Variants in TACC1 observed in about 807,000 individuals in gnomAD.
TACC1 encodes the protein transforming acidic coiled-coil-containing protein 1.
A neutral mutation model predicts 84.4 loss-of-function variants in TACC1; 48 were observed. The ratio of observed to expected loss-of-function variants is 0.57; its 90% CI spans 0.45 to 0.72. The LOEUF (loss-of-function observed/expected upper bound fraction) is 0.72. Ranked by LOEUF, TACC1 falls within the 30% of genes least tolerant of loss-of-function variation. TACC1 has a pLI of 0.00. For synonymous variants in TACC1, 372 were observed against 376.3 expected, an observed-to-expected ratio of 0.99 and a Z score of 0.13; for missense variants, 920 against 973.0, an observed-to-expected ratio of 0.95 and a Z score of 0.72.
At chr8:38,764,689 G>A (rs755727122) in intron 3 of TACC1, among the ~76,000 whole-genome samples, 25 of 152,234 alleles carry the variant, frequency 1.6e-4, no homozygotes, top group Non-Finnish European at 2.2e-4. Flanking sequence ...GGTCTTGGCC[G>A]TGCGCAGTGG....
upstream of TACC1, among the ~76,000 whole-genome samples, chr8:38,783,109 T>TCTATCTAC (rs1816447095): frequency 1.3e-5 from 1 of 77,762 alleles, no homozygotes; most frequent in Non-Finnish European, 2.5e-5. Flanking sequence ...TATCTATCTA[T>TCTATCTAC]ATATATATAT....
At chr8:38,739,740 T>C (rs1806710487) in intron 1 of TACC1, among the ~76,000 whole-genome samples, 1 of 152,242 alleles carries the variant, frequency 6.6e-6, no homozygotes. Flanking sequence ...TAAAACAGTT[T>C]CACACCCTAA....
At chr8:38,734,383 G>A (rs1805550458) in intron 1 of TACC1, among the ~76,000 whole-genome samples, 1 of 152,100 alleles carries the variant, frequency 6.6e-6, no homozygotes, top group South Asian at 2.1e-4. Context: ...GTAGAGACGG[G>A]GTTTCACCAT....
intron 2 of TACC1, among the ~76,000 whole-genome samples, chr8:38,812,117 C>T (rs775464635): frequency 6.6e-6 from 1 of 152,172 alleles, no homozygotes; most frequent in Non-Finnish European, 1.5e-5. Context: ...CAGACCGGTT[C>T]TCTGCTCTCG....
chr8:38,795,506 A>G (rs970118599), intron 2 of TACC1, among the ~76,000 whole-genome samples: 1 of 152,226 alleles, frequency 6.6e-6, no homozygotes, highest in African/African-American at 2.4e-5. Flanking sequence ...GCTGCCATGT[A>G]ATGTCCCACC....
At chr8:38,830,423 C>A (rs112301765) in intron 5 of TACC1, among the ~76,000 whole-genome samples, 2 of 152,100 alleles carry the variant, frequency 1.3e-5, no homozygotes, top group Admixed American at 6.5e-5. Context: ...TATAGGCATG[C>A]GCCACCACGC....
chr8:38,745,234 CTCAGAG>C (rs1473713873), exon 3 of TACC1: 8 of 429,426 alleles, frequency 1.9e-5, no homozygotes, highest in Non-Finnish European at 3.3e-5. Context: ...AAGATCTGCA[CTCAGAG>C]TAGAGCTGCC....
chr8:38,780,263 A>G (rs1473346405), intron 3 of TACC1, among the ~76,000 whole-genome samples: 1 of 147,658 alleles, frequency 6.8e-6, no homozygotes, highest in Non-Finnish European at 1.5e-5. Context: ...CTCTGAGGTA[A>G]GGGTTTAACT....
intron 5 of TACC1, among the ~76,000 whole-genome samples, chr8:38,828,598 A>G (rs77791823): frequency 6.6e-6 from 1 of 152,266 alleles, no homozygotes; most frequent in East Asian, 1.9e-4. Context: ...GTCTTTCAGG[A>G]TAAGGACATT....
upstream of TACC1, among the ~76,000 whole-genome samples, chr8:38,786,918 A>C (rs1484449976): frequency 2.0e-5 from 3 of 152,250 alleles, no homozygotes; most frequent in East Asian, 1.9e-4. Flanking sequence ...ATGTTTAAAA[A>C]AATTTTAAAA....
chr8:38,820,086 A>T lies in TACC1; in HGVS notation c.842A>T (p.Asp281Val). 1 of 1,614,136 alleles carries T rather than the reference A, an allele frequency of 6.2e-7. No homozygotes were observed. Among genetic ancestry groups the T allele is most frequent in the Non-Finnish European group, 8.5e-7 (1 of 1,180,026 alleles). The change falls in exon 3 of 13, where the codon GAT becomes GTT. Residue 281 changes from aspartate (D) to valine (V), a missense_variant. Asp to Val is a radical substitution (Grantham distance 152). Coordinates refer to ENST00000317827, the MANE Select transcript of TACC1 (RefSeq NM_006283.3). Reference sequence around the variant, plus strand: ...GAGAACACAAGTCCTTTGCTAGGAGATGCCAGGTTCCAGAAGTCTCCCCCT... The same window carrying T: ...GAGAACACAAGTCCTTTGCTAGGAGTTGCCAGGTTCCAGAAGTCTCCCCCT... The part of the protein sequence containing the change: ...LDENTSPLLG[D>V]ARFQKSPPDL...
At chr8:38,736,583 T>A (rs1806007035) in intron 1 of TACC1, among the ~76,000 whole-genome samples, 1 of 152,040 alleles carries the variant, frequency 6.6e-6, no homozygotes, top group Non-Finnish European at 1.5e-5. Flanking sequence ...ACCACTGCAC[T>A]CCAGCCTGGG....
intron 11 of TACC1, 93 bp downstream of exon 11, chr8:38,843,488 G>A (rs1831643408): frequency 2.5e-6 from 2 of 809,688 alleles, no homozygotes; most frequent in South Asian, 2.2e-5. Flanking sequence ...ACTCCAGGTT[G>A]TATTTTTATG....
intron 3 of TACC1, among the ~76,000 whole-genome samples, chr8:38,777,700 TGGGAG>T (rs1013639210): frequency 1.3e-5 from 2 of 152,102 alleles, no homozygotes; most frequent in African/African-American, 4.8e-5. Flanking sequence ...GAGGCTGAGG[TGGGAG>T]GATTGCTAGA....
chr8:38,809,330 G>A (rs114648921), intron 2 of TACC1, among the ~76,000 whole-genome samples: 1 of 150,388 alleles, frequency 6.6e-6, no homozygotes, highest in Non-Finnish European at 1.5e-5. Context: ...TGCCACGGCT[G>A]TTGACCCTTC....
At chr8:38,743,437 G>A (rs543473644) in intron 2 of TACC1, among the ~76,000 whole-genome samples, 2 of 152,230 alleles carry the variant, frequency 1.3e-5, no homozygotes, top group East Asian at 1.9e-4. Flanking sequence ...TGGTTGGGGG[G>A]CAGTTTTATA....
intron 2 of TACC1, among the ~76,000 whole-genome samples, chr8:38,815,605 G>T (rs1371596286): frequency 6.6e-6 from 1 of 152,072 alleles, no homozygotes; most frequent in Admixed American, 6.6e-5. Flanking sequence ...TTTTAGTAGA[G>T]ATGGGGTTTC....
intron 3 of TACC1, among the ~76,000 whole-genome samples, chr8:38,754,566 C>A (rs1183243276): frequency 6.6e-6 from 1 of 152,208 alleles, no homozygotes; most frequent in Non-Finnish European, 1.5e-5. Context: ...GGAACTTGAA[C>A]TTAAAAGAAA....
chr8:38,794,556 G>C (rs908708070), intron 2 of TACC1, among the ~76,000 whole-genome samples: 1 of 126,022 alleles, frequency 7.9e-6, no homozygotes, highest in South Asian at 2.3e-4. Flanking sequence ...GTGTGTGTGT[G>C]TTTGTTTGTG....
Sources: gnomAD v4.1 joint callset for allele counts (sites outside exome capture counted in the v4.1 genomes callset) on GRCh38, gnomAD v4.1.1 for gene constraint, MANE v1.5 for transcripts, NCBI Gene and HGNC (gene_info 2026-07-23, HGNC 2026-07-21) for gene names.